The following CCDC88A variants were observed in gnomAD, a reference collection of about 807,000 sequenced individuals.
The protein encoded by CCDC88A is girdin.
In CCDC88A, 54 loss-of-function variants were observed where a neutral mutation model predicts 234.3. The ratio of observed to expected loss-of-function variants is 0.23; its 90% CI spans 0.19 to 0.29. The LOEUF (loss-of-function observed/expected upper bound fraction) is 0.29. Among genes scored for constraint, CCDC88A ranks in the 10% least tolerant of loss-of-function variants. The pLI, the probability that CCDC88A is intolerant of heterozygous loss-of-function variation, is 1.00. For missense variants in CCDC88A, 1,832 were observed against 2,123.4 expected (o/e 0.86, Z 2.70); for synonymous variants, 753 against 737.8 (o/e 1.02, Z -0.33).
At chr2:55,304,507 AAG>A (rs796135305) in intron 25 of CCDC88A, among the ~76,000 whole-genome samples, 7 of 152,162 alleles carry the variant, frequency 4.6e-5, no homozygotes, top group African/African-American at 9.7e-5. Flanking sequence ...CGTTGGGGGA[AAG>A]AGGGGAAAAA....
chr2:55,399,196 C>A (rs1213299262), intron 2 of CCDC88A, among the ~76,000 whole-genome samples: 1 of 151,946 alleles, frequency 6.6e-6, no homozygotes, highest in Non-Finnish European at 1.5e-5. Flanking sequence ...GACACATTAT[C>A]CCTATATATG....
At chr2:55,303,766 T>C (rs1369523539) in intron 25 of CCDC88A, among the ~76,000 whole-genome samples, 1 of 152,164 alleles carries the variant, frequency 6.6e-6, no homozygotes. Context: ...AGGGATCAAC[T>C]TTCCTAGTTA....
chr2:55,301,568 T>C (rs1680903924), intron 27 of CCDC88A: 1 of 512,640 alleles, frequency 2.0e-6, no homozygotes, highest in Non-Finnish European at 3.4e-6. Flanking sequence ...TTGGAAGTTG[T>C]AGTGCTTTTA....
Position 55,309,511 on chromosome 2 carries a change from CATT to C in CCDC88A, c.4080-260_4080-258del. Among the ~76,000 whole-genome samples, 1 of 151,972 alleles carries C rather than the reference CATT, an allele frequency of 6.6e-6. No individual in the cohort carries two copies. Among genetic ancestry groups the C allele is most frequent in the East Asian group, 1.9e-4 (1 of 5,190 alleles). The stretch of plus-strand genomic sequence containing the variant: ...AATTTATATCAGCAAAAAATTAAAA[CATT>C]GTTTAGTTTGCTTACAATTATAGAT... On this transcript the variant is annotated intron_variant, in intron 23 of 32. Coordinates refer to ENST00000436346, the MANE Select transcript of CCDC88A (RefSeq NM_001365480.1). This position sits in a 1 kb window ranked among gnomAD's most constrained non-coding sequence, Gnocchi z 5.1.
intron 8 of CCDC88A, chr2:55,355,320 A>C (rs1368260277): frequency 3.1e-6 from 1 of 319,270 alleles, no homozygotes; most frequent in African/African-American, 2.2e-5. Context: ...AAGAGCCCCA[A>C]TTTGCCAAAT....
intron 26 of CCDC88A, 89 bp from the exon 27 acceptor site, chr2:55,302,161 CTA>C: frequency 9.9e-7 from 1 of 1,008,762 alleles, no homozygotes; most frequent in Admixed American, 2.3e-5. Context: ...TGGTTTTTGT[CTA>C]TGAATTAATG....
chr2:55,385,062 A>G (rs1202470401), intron 3 of CCDC88A, among the ~76,000 whole-genome samples: 1 of 152,134 alleles, frequency 6.6e-6, no homozygotes, highest in East Asian at 1.9e-4. Context: ...TGGCACAGAT[A>G]AAGTCCCCCC....
At chr2:55,291,975 G>T in intron 31 of CCDC88A, 200 bp from the exon 32 acceptor site, 1 of 421,550 alleles carries the variant, frequency 2.4e-6, no homozygotes, top group South Asian at 4.7e-5. Flanking sequence ...TCCTAGGAAA[G>T]CTATAATTTT....
chr2:55,361,429 A>G (rs886691082), intron 7 of CCDC88A, among the ~76,000 whole-genome samples: 1 of 152,018 alleles, frequency 6.6e-6, no homozygotes, highest in South Asian at 2.1e-4. Context: ...TATTTTGTAT[A>G]TTTTCTTTTT....
chr2:55,320,630 T>G (rs892546674), intron 18 of CCDC88A, among the ~76,000 whole-genome samples: 1 of 152,182 alleles, frequency 6.6e-6, no homozygotes. Flanking sequence ...TATATATCAC[T>G]GATTAAAAAT....
At chr2:55,375,032 C>G in intron 3 of CCDC88A, 149 bp from the exon 4 acceptor site, 1 of 511,916 alleles carries the variant, frequency 2.0e-6, no homozygotes, top group Non-Finnish European at 3.6e-6. Context: ...GGTCTTAAAT[C>G]TTTTGTAACT....
At chr2:55,322,449 A>T in intron 18 of CCDC88A, 79 bp downstream of exon 18, 3 of 807,530 alleles carry the variant, frequency 3.7e-6, no homozygotes, top group Non-Finnish European at 5.6e-6. Flanking sequence ...AATATTAGAA[A>T]ATGTATCTAA....
chr2:55,406,811 C>T (rs188161671), intron 2 of CCDC88A, among the ~76,000 whole-genome samples: 223 of 152,092 alleles, frequency 1.5e-3, no homozygotes, highest in Middle Eastern at 3.4e-3. Flanking sequence ...ACTAAACCAA[C>T]TTCCGTGGTC....
intron 9 of CCDC88A, among the ~76,000 whole-genome samples, chr2:55,346,874 T>TA (rs940491256): frequency 6.6e-6 from 1 of 152,128 alleles, no homozygotes; most frequent in African/African-American, 2.4e-5. Context: ...AAAACCTTTT[T>TA]AAAAAAATCG....
chr2:55,293,220 T>C (rs530484406), intron 31 of CCDC88A, among the ~76,000 whole-genome samples: 1 of 152,296 alleles, frequency 6.6e-6, no homozygotes, highest in East Asian at 1.9e-4. Flanking sequence ...AGCTGTGAAA[T>C]AATCTTTGAC....
In CCDC88A at chr2:55,378,840, G is replaced by A. The variant is rs1215716693; in HGVS notation, c.274-3957C>T. 2.0e-5 allele frequency among the ~76,000 whole-genome samples: 3 copies of A among 151,326 alleles called. No homozygotes were observed. In the South Asian group the frequency reaches 6.2e-4, roughly 31 times the overall value. On this transcript the variant is annotated intron_variant, in intron 3 of 32. Coordinates refer to ENST00000436346, the MANE Select transcript of CCDC88A (RefSeq NM_001365480.1). ...GGCTCACTGCAACCTCTGCCTCCCAGGTTTCAGCGATCCTCCTGCCTCAGC... is the reference window on the plus strand; with the variant it reads ...GGCTCACTGCAACCTCTGCCTCCCAAGTTTCAGCGATCCTCCTGCCTCAGC...
chr2:55,370,815 C>T (rs1245769671), intron 5 of CCDC88A, among the ~76,000 whole-genome samples: 1 of 149,878 alleles, frequency 6.7e-6, no homozygotes, highest in Non-Finnish European at 1.5e-5. Context: ...TGAAACCAGC[C>T]TGGGCAACAC....
In CCDC88A at chr2:55,332,889, C is replaced by A. The variant is rs1259301454; in HGVS notation, c.2728-196G>T. 6.6e-6 allele frequency among the ~76,000 whole-genome samples: 1 copy of A among 151,590 alleles called. No individual in the cohort carries two copies. Among genetic ancestry groups the A allele is most frequent in the Non-Finnish European group, 1.5e-5 (1 of 67,868 alleles). ...GAAATAACTTTTTTCCTTTTTTTTG[C>A]TAATACTTTAAACAAAACCTTAAAA... is the stretch of plus-strand genomic sequence containing the variant. On this transcript the variant is annotated intron_variant, in intron 15 of 32. Transcript: ENST00000436346. This position sits in a 1 kb window ranked among gnomAD's most constrained non-coding sequence, Gnocchi z 4.5.
chr2:55,340,669 ACTT>A (rs1668363091), intron 12 of CCDC88A, among the ~76,000 whole-genome samples: 1 of 152,216 alleles, frequency 6.6e-6, no homozygotes, highest in South Asian at 2.1e-4. Context: ...ATACACTACT[ACTT>A]ATTTTGGCTA....
Sources: allele counts gnomAD v4.1 joint callset (sites outside exome capture counted in the v4.1 genomes callset), GRCh38; gene constraint gnomAD v4.1.1; non-coding constraint Gnocchi (gnomAD v3.1); transcripts MANE v1.5; gene names NCBI Gene and HGNC (gene_info 2026-07-23, HGNC 2026-07-21).